AFG1L: variants seen among roughly 807,000 people sequenced by gnomAD.
AFG1L encodes AFG1 like ATPase.
Under a neutral mutation model 62.2 loss-of-function variants are expected in AFG1L, and 53 were observed. The observed-to-expected ratio is 0.85, with a 90% CI of 0.68 to 1.07. The LOEUF (loss-of-function observed/expected upper bound fraction) is 1.07. Among genes scored for constraint, AFG1L ranks in the 50% least tolerant of loss-of-function variants. The pLI is 0.00. For missense variants in AFG1L, 555 were observed against 590.5 expected (o/e 0.94, Z 0.62); for synonymous variants, 228 against 210.3 (o/e 1.08, Z -0.73).
At chr6:108,454,919 G>A (rs1434412359) in intron 8 of AFG1L, among the ~76,000 whole-genome samples, 1 of 152,148 alleles carries the variant, frequency 6.6e-6, no homozygotes, top group Non-Finnish European at 1.5e-5. Flanking sequence ...GATTACAGGA[G>A]TGAGCCACCG....
intron 10 of AFG1L, among the ~76,000 whole-genome samples, chr6:108,499,599 C>T: frequency 7.4e-6 from 1 of 135,318 alleles, no homozygotes; most frequent in East Asian, 2.3e-4. Flanking sequence ...AAAAAAAAAG[C>T]TGGGCTCCAT....
At chr6:108,485,640 ATATATATATATATATATTTTT>A (rs1773518513) in intron 10 of AFG1L, among the ~76,000 whole-genome samples, 1 of 15,858 alleles carries the variant, frequency 6.3e-5, no homozygotes, top group Non-Finnish European at 1.1e-4. Context: ...ATATATATAT[ATATATATATATATATATTTTT>A]TTTTTTTTTT....
intron 6 of AFG1L, among the ~76,000 whole-genome samples, chr6:108,388,853 G>C (rs1222119484): frequency 6.6e-6 from 1 of 152,122 alleles, no homozygotes; most frequent in East Asian, 1.9e-4. Flanking sequence ...TGTATATTCT[G>C]TTGATTTGGG....
chr6:108,400,744 T>C (rs952525748), intron 6 of AFG1L, among the ~76,000 whole-genome samples: 18 of 126,252 alleles, frequency 1.4e-4, no homozygotes, highest in African/African-American at 5.4e-4. Flanking sequence ...ATATATTATA[T>C]ATGATATTAT....
At chr6:108,473,354 G>A (rs1772980378) in intron 8 of AFG1L, among the ~76,000 whole-genome samples, 1 of 152,082 alleles carries the variant, frequency 6.6e-6, no homozygotes, top group African/African-American at 2.4e-5. Flanking sequence ...GAGGAAGATT[G>A]CAAGGAATTA....
chr6:108,466,925 A>G (rs1772696214), intron 8 of AFG1L, among the ~76,000 whole-genome samples: 1 of 151,974 alleles, frequency 6.6e-6, no homozygotes, highest in Non-Finnish European at 1.5e-5. Context: ...CAATACAGTG[A>G]CAAAAATAAA....
chr6:108,419,039 C>G (rs1021694709), intron 7 of AFG1L, among the ~76,000 whole-genome samples: 27 of 152,170 alleles, frequency 1.8e-4, no homozygotes, highest in African/African-American at 6.3e-4. Context: ...TACTCCATCA[C>G]TTACACTTTC....
chr6:108,309,514 T>C (rs1777325074), intron 1 of AFG1L, among the ~76,000 whole-genome samples: 1 of 152,218 alleles, frequency 6.6e-6, no homozygotes, highest in African/African-American at 2.4e-5. Context: ...TTGAAATGTG[T>C]AATATGACTG....
In AFG1L at chr6:108,522,778, A is replaced by G. The variant is rs921660931; in HGVS notation, c.*353A>G. 1.2e-5 allele frequency: 2 copies of G among 160,574 alleles called. No homozygotes were observed. The highest frequency in any genetic ancestry group is 4.8e-5 in the African/African-American group (2 of 41,776). 9.9% of individuals were successfully genotyped at this position (160,574 alleles called of 1,614,324 possible). A position where few individuals can be genotyped will look rare whatever the true frequency, so the allele number is the denominator to read the frequency against. Reference sequence around the variant, plus strand: ...CTGGATACCTTCAAGCTTTGGCTGCATGGTGGTGGCATGTTAGAAATACAT... The same window carrying G: ...CTGGATACCTTCAAGCTTTGGCTGCGTGGTGGTGGCATGTTAGAAATACAT... On this transcript the variant is annotated 3_prime_UTR_variant, in exon 13 of 13. Coordinates refer to ENST00000368977, the MANE Select transcript of AFG1L (RefSeq NM_145315.5).
chr6:108,325,705 C>G lies in AFG1L; in HGVS notation c.363+1657C>G, dbSNP rs139479209. Among the ~76,000 whole-genome samples, 427 of 151,762 alleles carry G rather than the reference C, an allele frequency of 2.8e-3. 3 individuals are homozygous for G. The highest frequency in any genetic ancestry group is 9.9e-3 in the African/African-American group (411 of 41,358). On this transcript the variant is annotated intron_variant, in intron 2 of 12. Coordinates refer to ENST00000368977, the MANE Select transcript of AFG1L (RefSeq NM_145315.5). The stretch of plus-strand genomic sequence containing the variant: ...TTCACCATGTTTGTCAGGCTGGTCT[C>G]GAACTCCTGACCTCAGGTGATCCGC...
intron 8 of AFG1L, among the ~76,000 whole-genome samples, chr6:108,455,002 C>T: frequency 6.6e-6 from 1 of 152,156 alleles, no homozygotes; most frequent in East Asian, 1.9e-4. Flanking sequence ...AAGAAACTGT[C>T]TACTTTCTTG....
intron 2 of AFG1L, chr6:108,344,684 T>G: frequency 2.1e-6 from 1 of 470,086 alleles, no homozygotes; most frequent in South Asian, 1.5e-5. Context: ...ACCACTCCGG[T>G]TGATGCTAAG....
intron 5 of AFG1L, among the ~76,000 whole-genome samples, chr6:108,361,910 T>A (rs1034553691): frequency 3.9e-5 from 6 of 152,236 alleles, no homozygotes; most frequent in Admixed American, 6.5e-5. Flanking sequence ...ATTTATTGTG[T>A]TTATTGTTTA....
chr6:108,461,423 A>G (rs1047780778), intron 8 of AFG1L, among the ~76,000 whole-genome samples: 1 of 152,116 alleles, frequency 6.6e-6, no homozygotes, highest in Non-Finnish European at 1.5e-5. Flanking sequence ...TTTGTTTTGT[A>G]TTTTATAGGA....
At chr6:108,306,530 A>G (rs781454192) in intron 1 of AFG1L, among the ~76,000 whole-genome samples, 1 of 152,180 alleles carries the variant, frequency 6.6e-6, no homozygotes, top group Non-Finnish European at 1.5e-5. Flanking sequence ...TTCATTTTTC[A>G]AAGTATTGGG....
chr6:108,340,394 C>T (rs1470852422), intron 2 of AFG1L, among the ~76,000 whole-genome samples: 8 of 144,724 alleles, frequency 5.5e-5, no homozygotes, highest in East Asian at 4.0e-4. Context: ...GATGGAGTCT[C>T]GCTCTGTTGT....
At position 108,522,330 on chromosome 6, in the gene AFG1L, G is replaced by A; in HGVS notation, c.1351G>A (p.Glu451Lys). The change falls in exon 13 of 13, where the codon GAA becomes AAA. Residue 451 changes from glutamate (E) to lysine (K), a missense_variant. Transcript: ENST00000368977. ...AGAAGGACTCTCCATGTTTACCGGAGAAGAGGAAATCTTTGCATTTCAGCG... is the reference window on the plus strand; with the variant it reads ...AGAAGGACTCTCCATGTTTACCGGAAAAGAGGAAATCTTTGCATTTCAGCG... The part of the protein sequence containing the change: ...SAEGLSMFTG[E>K]EEIFAFQRTI... 2.5e-6 allele frequency: 4 copies of A among 1,613,844 alleles called. No homozygotes were observed. Among genetic ancestry groups the A allele is most frequent in the Non-Finnish European group, 3.4e-6 (4 of 1,179,872 alleles).
At chr6:108,451,708 T>TA (rs111333299) in intron 8 of AFG1L, among the ~76,000 whole-genome samples, 131,988 of 151,992 alleles carry the variant, frequency 0.87, 57,747 homozygotes, top group African/African-American at 0.97. Flanking sequence ...TGTTTCTTTT[T>TA]TTTTATTTTC....
chr6:108,326,205 A>G (rs1037397660), intron 2 of AFG1L, among the ~76,000 whole-genome samples: 4 of 152,130 alleles, frequency 2.6e-5, no homozygotes, highest in Admixed American at 6.5e-5. Flanking sequence ...TGAGTAGGCT[A>G]GGGCTACAGG....
Sources: allele counts gnomAD v4.1 joint callset (sites outside exome capture counted in the v4.1 genomes callset), GRCh38; gene constraint gnomAD v4.1.1; transcripts MANE v1.5; gene names NCBI Gene and HGNC (gene_info 2026-07-23, HGNC 2026-07-21).